XKR6: variants seen among roughly 807,000 people sequenced by gnomAD.
The protein encoded by XKR6 is XK related 6, also known as XK-related protein 6.
Under a neutral mutation model 56.7 loss-of-function variants are expected in XKR6, and 22 were observed. The observed-to-expected ratio is 0.39, with a 90% CI of 0.28 to 0.55. The LOEUF is 0.55. Among genes scored for constraint, XKR6 ranks in the 20% least tolerant of loss-of-function variants. The pLI, the probability that XKR6 is intolerant of heterozygous loss-of-function variation, is 0.66. For missense variants in XKR6, 852 were observed against 889.0 expected, an observed-to-expected ratio of 0.96 and a Z score of 0.53; for synonymous variants, 524 against 387.8, an observed-to-expected ratio of 1.35 and a Z score of -4.13.
intron 1 of XKR6, among the ~76,000 whole-genome samples, chr8:11,158,518 G>C (rs942713222): frequency 2.6e-5 from 4 of 152,122 alleles, no homozygotes; most frequent in Non-Finnish European, 5.9e-5. Context: ...AGTTTCTTTA[G>C]CTTTCCCAAC....
chr8:10,949,277 G>T (rs962799015), intron 1 of XKR6, among the ~76,000 whole-genome samples: 1 of 152,252 alleles, frequency 6.6e-6, no homozygotes, highest in Non-Finnish European at 1.5e-5. Flanking sequence ...AGTCTTACGG[G>T]CCAGCTTAGT....
intron 1 of XKR6, among the ~76,000 whole-genome samples, chr8:11,149,439 T>C (rs142662619): frequency 4.6e-5 from 7 of 152,358 alleles, no homozygotes; most frequent in African/African-American, 1.2e-4. Context: ...CAAAATGTCA[T>C]TATGCACCTG....
At chr8:10,960,996 T>G (rs117430113) in intron 1 of XKR6, among the ~76,000 whole-genome samples, 3,192 of 152,210 alleles carry the variant, frequency 0.021, 38 homozygotes, top group Non-Finnish European at 0.031. Context: ...GCATTTGTCC[T>G]GAACACTGAG....
chr8:11,060,656 G>A (rs1455998145), intron 1 of XKR6, among the ~76,000 whole-genome samples: 2 of 152,194 alleles, frequency 1.3e-5, no homozygotes, highest in African/African-American at 4.8e-5. Flanking sequence ...GTCTAGAAGG[G>A]GAAGACAGGG....
intron 1 of XKR6, among the ~76,000 whole-genome samples, chr8:11,090,465 G>C (rs1219673957): frequency 6.6e-6 from 1 of 151,676 alleles, no homozygotes; most frequent in Non-Finnish European, 1.5e-5. Flanking sequence ...GGAAAGGATA[G>C]TCCTGGCAAT....
intron 1 of XKR6, among the ~76,000 whole-genome samples, chr8:11,000,008 T>C (rs1256482333): frequency 6.6e-6 from 1 of 152,196 alleles, no homozygotes; most frequent in Non-Finnish European, 1.5e-5. Flanking sequence ...GCTAATGGCA[T>C]TCCATCTGTG....
In XKR6 at chr8:11,134,464, C is replaced by T. The variant is rs973392615; in HGVS notation, c.764+66112G>A. On this transcript the variant is annotated intron_variant, in intron 1 of 2. Transcript: ENST00000416569. ...TTGACTACTCCAAGTGGAAACACTGCACAAGTTACAATTCTATGCACTCAT... is the reference window on the plus strand; with the variant it reads ...TTGACTACTCCAAGTGGAAACACTGTACAAGTTACAATTCTATGCACTCAT... 1.1e-4 allele frequency among the ~76,000 whole-genome samples: 16 copies of T among 152,240 alleles called. No individual in the cohort carries two copies. The South Asian group carries it at 1.2e-3, about 12-fold the overall frequency.
chr8:11,125,088 CAAAAAAA>C, intron 1 of XKR6, among the ~76,000 whole-genome samples: 1 of 77,614 alleles, frequency 1.3e-5, no homozygotes, highest in African/African-American at 4.9e-5. Flanking sequence ...GACTCTGTCT[CAAAAAAA>C]AAAAAAAAGA....
chr8:11,173,158 A>T (rs1301747061), intron 1 of XKR6, among the ~76,000 whole-genome samples: 1 of 146,928 alleles, frequency 6.8e-6, no homozygotes, highest in African/African-American at 2.5e-5. Context: ...ACACGGTGAA[A>T]CCCCGTCTCC....
intron 1 of XKR6, among the ~76,000 whole-genome samples, chr8:11,135,051 G>C (rs74885003): frequency 1.2e-5 from 1 of 84,028 alleles, no homozygotes; most frequent in Non-Finnish European, 2.4e-5. Context: ...TTTTTTTTTT[G>C]AGGCGGAGTC....
intron 1 of XKR6, among the ~76,000 whole-genome samples, chr8:11,147,188 A>T (rs1457913521): frequency 6.6e-6 from 1 of 152,152 alleles, no homozygotes; most frequent in Non-Finnish European, 1.5e-5. Context: ...TAATGGTTCC[A>T]AGGGCATGAA....
At chr8:11,191,804 C>T (rs1171835509) in intron 1 of XKR6, among the ~76,000 whole-genome samples, 1 of 151,808 alleles carries the variant, frequency 6.6e-6, no homozygotes, top group Non-Finnish European at 1.5e-5. Context: ...AACCCACAAG[C>T]AAATTTGCTG....
chr8:10,999,573 G>A (rs904640630), intron 1 of XKR6, among the ~76,000 whole-genome samples: 3 of 152,146 alleles, frequency 2.0e-5, no homozygotes, highest in Admixed American at 2.0e-4. Flanking sequence ...GAAGGGTTTG[G>A]TCAATGCTAT....
intron 1 of XKR6, chr8:11,123,974 G>T (rs762370001): frequency 4.4e-6 from 2 of 456,136 alleles, no homozygotes; most frequent in Non-Finnish European, 8.8e-6. Context: ...CTGCTCAGAG[G>T]CACTGCCGTG....
intron 1 of XKR6, among the ~76,000 whole-genome samples, chr8:11,119,754 T>G (rs910294558): frequency 6.6e-6 from 1 of 152,162 alleles, no homozygotes; most frequent in Non-Finnish European, 1.5e-5. Flanking sequence ...TTTAGACCAA[T>G]ATCCTTGATG....
At chr8:10,917,268 G>A (rs73535407) in intron 2 of XKR6, among the ~76,000 whole-genome samples, 254 of 152,216 alleles carry the variant, frequency 1.7e-3, no homozygotes, top group African/African-American at 5.8e-3. Context: ...TGTGTGACTT[G>A]GGCAACTTCC....
At chr8:10,911,488 T>TAG (rs1344261984) in intron 2 of XKR6, among the ~76,000 whole-genome samples, 286 of 146,852 alleles carry the variant, frequency 1.9e-3, no homozygotes, top group African/African-American at 6.9e-3. Context: ...TATATATATA[T>TAG]AGAGAGAGAG....
chr8:11,190,790 T>C (rs146833885), intron 1 of XKR6, among the ~76,000 whole-genome samples: 277 of 152,334 alleles, frequency 1.8e-3, no homozygotes, highest in African/African-American at 6.4e-3. Flanking sequence ...GAGCTCTGGC[T>C]TCAAAAGTTT....
At chr8:10,991,919 G>A (rs1014971238) in intron 1 of XKR6, among the ~76,000 whole-genome samples, 7 of 152,124 alleles carry the variant, frequency 4.6e-5, no homozygotes, top group African/African-American at 1.7e-4. Flanking sequence ...AACAAAAGTA[G>A]AAAAATAAAC....
Sources: allele counts gnomAD v4.1 joint callset (sites outside exome capture counted in the v4.1 genomes callset), GRCh38; gene constraint gnomAD v4.1.1; transcripts MANE v1.5; gene names NCBI Gene and HGNC (gene_info 2026-07-23, HGNC 2026-07-21).